Variants in EBF1 observed in about 807,000 individuals in gnomAD.
EBF1 encodes the protein EBF transcription factor 1.
In EBF1, 10 loss-of-function variants were observed where a neutral mutation model predicts 68.4. The ratio of observed to expected loss-of-function variants is 0.15; its 90% CI spans 0.09 to 0.25. EBF1 has a LOEUF of 0.25. Ranked by LOEUF, EBF1 falls within the 10% of genes least tolerant of loss-of-function variation. The probability of loss-of-function intolerance (pLI) is 1.00; values close to 1 mark genes in which losing one functional copy is unlikely to be tolerated. For synonymous variants in EBF1, 298 were observed against 299.8 expected, an observed-to-expected ratio of 0.99 and a Z score of 0.06; for missense variants, 509 against 794.4, an observed-to-expected ratio of 0.64 and a Z score of 4.32.
chr5:158,890,950 ACAT>A (rs1801054510), intron 6 of EBF1, among the ~76,000 whole-genome samples: 1 of 152,144 alleles, frequency 6.6e-6, no homozygotes, highest in Non-Finnish European at 1.5e-5. Flanking sequence ...CTTGCCTGAA[ACAT>A]CAAAGATAAA....
chr5:158,899,044 T>TC (rs951344107), intron 6 of EBF1, among the ~76,000 whole-genome samples: 2 of 152,204 alleles, frequency 1.3e-5, no homozygotes, highest in African/African-American at 4.8e-5. Flanking sequence ...AGTATACTGT[T>TC]CCCCATATTG....
chr5:158,867,970 C>G (rs1366419606), intron 6 of EBF1, among the ~76,000 whole-genome samples: 1 of 151,938 alleles, frequency 6.6e-6, no homozygotes, highest in East Asian at 1.9e-4. Flanking sequence ...TGTGACTATA[C>G]AAATCCTACA....
At chr5:158,980,433 C>T (rs1209614453) in intron 6 of EBF1, among the ~76,000 whole-genome samples, 1 of 152,208 alleles carries the variant, frequency 6.6e-6, no homozygotes, top group Non-Finnish European at 1.5e-5. Context: ...AAGCCGTGCC[C>T]AGCTCTGAGG....
intron 6 of EBF1, among the ~76,000 whole-genome samples, chr5:158,974,216 T>C (rs1176389605): frequency 6.6e-6 from 1 of 152,244 alleles, no homozygotes; most frequent in Non-Finnish European, 1.5e-5. Flanking sequence ...TGGCAACCTG[T>C]GGTTCAGAGA....
At chr5:158,961,726 A>G (rs372484056) in intron 6 of EBF1, among the ~76,000 whole-genome samples, 1 of 152,352 alleles carries the variant, frequency 6.6e-6, no homozygotes, top group East Asian at 1.9e-4. Flanking sequence ...CTAAAAAATA[A>G]AAATCATTTT....
At position 158,970,276 on chromosome 5, in the gene EBF1, A is replaced by T. The variant is rs142538644; in HGVS notation, c.554+103120T>A. Among the ~76,000 whole-genome samples the T allele has an allele frequency of 2.8e-3, 419 of 152,336 alleles. 1 individual carries two copies. The highest frequency in any genetic ancestry group is 5.1e-3 in the Non-Finnish European group (345 of 68,038). On this transcript the variant is annotated intron_variant, in intron 6 of 15. Coordinates refer to ENST00000313708, the MANE Select transcript of EBF1 (RefSeq NM_024007.5). ...TTTTCCCATAAACCACCGGTTTCAT[A>T]GAAACTCATTAGCATCACCTGTGTT...
chr5:159,038,029 T>G (rs920641359), intron 6 of EBF1, among the ~76,000 whole-genome samples: 2 of 152,152 alleles, frequency 1.3e-5, no homozygotes, highest in African/African-American at 2.4e-5. Context: ...CCAAGGCTAT[T>G]TTTGAAGAAC....
chr5:158,911,119 C>G (rs1161003111), intron 6 of EBF1, among the ~76,000 whole-genome samples: 2 of 152,152 alleles, frequency 1.3e-5, no homozygotes, highest in African/African-American at 4.8e-5. Context: ...GAAATTGCAG[C>G]AGCTACTAGA....
chr5:158,885,832 CTGT>C (rs1419195327), intron 6 of EBF1, among the ~76,000 whole-genome samples: 1 of 152,208 alleles, frequency 6.6e-6, no homozygotes, highest in Admixed American at 6.5e-5. Flanking sequence ...ATGATGTTCT[CTGT>C]TGTTTTCAGT....
intron 6 of EBF1, among the ~76,000 whole-genome samples, chr5:158,962,244 T>C (rs1330954028): frequency 6.6e-6 from 1 of 152,132 alleles, no homozygotes; most frequent in African/African-American, 2.4e-5. Context: ...TAGGCATCTC[T>C]TGCTTACCTT....
intron 5 of EBF1, among the ~76,000 whole-genome samples, chr5:159,078,138 C>G (rs1284323422): frequency 1.3e-5 from 2 of 152,182 alleles, no homozygotes; most frequent in Admixed American, 6.5e-5. Context: ...GAGCTGATAT[C>G]AAGCCCCCTG....
At chr5:158,947,437 T>C (rs1815012333) in intron 6 of EBF1, among the ~76,000 whole-genome samples, 1 of 152,148 alleles carries the variant, frequency 6.6e-6, no homozygotes, top group South Asian at 2.1e-4. Flanking sequence ...TTCCCTTGGC[T>C]AGGGGAGGGA....
intron 1 of EBF1, 131 bp downstream of exon 1, chr5:159,099,214 G>C (rs1189755300): frequency 2.9e-5 from 18 of 626,638 alleles, no homozygotes; most frequent in Non-Finnish European, 4.1e-5. Flanking sequence ...GGCGGAGAGC[G>C]GAGCGCAGCG....
At chr5:159,036,509 C>T (rs1326039476) in intron 6 of EBF1, among the ~76,000 whole-genome samples, 1 of 137,136 alleles carries the variant, frequency 7.3e-6, no homozygotes, top group East Asian at 2.1e-4. Flanking sequence ...CGCATACCTA[C>T]AACTATCTGA....
rs74931123 is a variant in EBF1 at position 159,024,362 on chromosome 5, C to G, written c.554+49034G>C. 4.4e-3 allele frequency among the ~76,000 whole-genome samples: 675 copies of G among 152,312 alleles called. 4 individuals are homozygous for G. Among genetic ancestry groups the G allele is most frequent in the African/African-American group, 0.016 (650 of 41,556 alleles). ...GCTTAGTCAACACATCTACCAGAAC[C>G]TAAGTCTTGGAGAAACTACGTAATT... On this transcript the variant is annotated intron_variant, in intron 6 of 15. Coordinates refer to ENST00000313708, the MANE Select transcript of EBF1 (RefSeq NM_024007.5).
chr5:158,952,164 A>G (rs1816156709), intron 6 of EBF1, among the ~76,000 whole-genome samples: 1 of 152,170 alleles, frequency 6.6e-6, no homozygotes, highest in Non-Finnish European at 1.5e-5. Context: ...AAACTATCAC[A>G]TTTCAAAGAG....
At chr5:158,998,430 C>T (rs1405312862) in intron 6 of EBF1, among the ~76,000 whole-genome samples, 1 of 152,130 alleles carries the variant, frequency 6.6e-6, no homozygotes, top group African/African-American at 2.4e-5. Flanking sequence ...ATTTCTCTTC[C>T]ACATCGAGGA....
chr5:158,778,114 T>A (rs575773442), intron 9 of EBF1, among the ~76,000 whole-genome samples: 1 of 151,748 alleles, frequency 6.6e-6, no homozygotes, highest in Non-Finnish European at 1.5e-5. Context: ...AACTAAGGAC[T>A]CTCCATAAAA....
At chr5:159,009,641 C>G (rs552788904) in intron 6 of EBF1, among the ~76,000 whole-genome samples, 19 of 151,806 alleles carry the variant, frequency 1.3e-4, no homozygotes, top group African/African-American at 4.6e-4. Context: ...TAGCTGGGCA[C>G]GGTGGTGCAC....
Sources: allele counts gnomAD v4.1 joint callset (sites outside exome capture counted in the v4.1 genomes callset), GRCh38; gene constraint gnomAD v4.1.1; transcripts MANE v1.5; gene names NCBI Gene and HGNC (gene_info 2026-07-23, HGNC 2026-07-21).